The following SLC49A4 variants were observed in gnomAD, a reference collection of about 807,000 sequenced individuals.
The protein encoded by SLC49A4 is disrupted in renal cancer protein 2.
SLC49A4 carries 36 observed loss-of-function variants against 50.6 expected under a neutral mutation model. The observed-to-expected ratio is 0.71, with a 90% CI of 0.55 to 0.94. The LOEUF is 0.94. Among genes scored for constraint, SLC49A4 ranks in the 40% least tolerant of loss-of-function variants. The pLI is 0.00. For missense variants in SLC49A4, 503 were observed against 605.7 expected (o/e 0.83, Z 1.78); for synonymous variants, 248 against 241.2 (o/e 1.03, Z -0.26).
intron 7 of SLC49A4, among the ~76,000 whole-genome samples, chr3:122,871,133 G>GT (rs1282787988): frequency 6.6e-6 from 1 of 152,140 alleles, no homozygotes; most frequent in Non-Finnish European, 1.5e-5. Context: ...CCAGCAGTAT[G>GT]TTCTTTATTC....
chr3:122,833,991 G>A (rs962073223), intron 4 of SLC49A4, among the ~76,000 whole-genome samples: 2 of 152,092 alleles, frequency 1.3e-5, no homozygotes, highest in African/African-American at 2.4e-5. Flanking sequence ...GTATAACTTA[G>A]TATAGTTAGA....
intron 3 of SLC49A4, among the ~76,000 whole-genome samples, chr3:122,832,090 TG>T (rs1363987334): frequency 6.6e-6 from 1 of 152,218 alleles, no homozygotes; most frequent in East Asian, 1.9e-4. Context: ...ATAGGAATGT[TG>T]TCCTTTTTTG....
At chr3:122,798,349 C>T (rs1229662068) in intron 1 of SLC49A4, among the ~76,000 whole-genome samples, 21 of 152,118 alleles carry the variant, frequency 1.4e-4, no homozygotes, top group Admixed American at 1.4e-3. Flanking sequence ...TACCTACTAT[C>T]CATGGCAGGA....
At chr3:122,844,579 C>T (rs1037332588) in intron 4 of SLC49A4, among the ~76,000 whole-genome samples, 1 of 152,046 alleles carries the variant, frequency 6.6e-6, no homozygotes, top group African/African-American at 2.4e-5. Context: ...GTCAGGAGTT[C>T]GAGGCCAGCC....
At chr3:122,826,739 T>A (rs1191833871) in intron 2 of SLC49A4, 61 bp from the exon 3 acceptor site, 1 of 1,565,012 alleles carries the variant, frequency 6.4e-7, no homozygotes, top group Admixed American at 1.8e-5. Flanking sequence ...GGCTCATTTC[T>A]TTTTGTCTTA....
intron 7 of SLC49A4, among the ~76,000 whole-genome samples, chr3:122,861,916 T>G (rs146993219): frequency 6.2e-4 from 95 of 152,340 alleles, no homozygotes; most frequent in African/African-American, 2.2e-3. Flanking sequence ...AGTTTCAGCA[T>G]TAGATTCTGC....
At chr3:122,835,876 T>C (rs1262075598) in intron 4 of SLC49A4, among the ~76,000 whole-genome samples, 1 of 152,162 alleles carries the variant, frequency 6.6e-6, no homozygotes. Flanking sequence ...TCCAAAAGAC[T>C]CCTAGATTTG....
At chr3:122,862,504 A>G (rs1937069643) in intron 7 of SLC49A4, among the ~76,000 whole-genome samples, 2 of 152,254 alleles carry the variant, frequency 1.3e-5, no homozygotes, top group Non-Finnish European at 2.9e-5. Flanking sequence ...TTTGGCAAGT[A>G]TTCTGAGCCA....
chr3:122,838,267 G>A (rs1359498711), intron 4 of SLC49A4, among the ~76,000 whole-genome samples: 1 of 151,950 alleles, frequency 6.6e-6, no homozygotes. Context: ...GTATGTTTAT[G>A]GTGGCAATAT....
intron 2 of SLC49A4, among the ~76,000 whole-genome samples, chr3:122,813,925 A>G (rs1014305233): frequency 2.0e-5 from 3 of 152,204 alleles, no homozygotes; most frequent in Non-Finnish European, 2.9e-5. Flanking sequence ...CTGTGTATTT[A>G]AAATGAGACA....
intron 7 of SLC49A4, among the ~76,000 whole-genome samples, chr3:122,862,612 A>T (rs918916441): frequency 3.9e-5 from 6 of 152,208 alleles, no homozygotes; most frequent in African/African-American, 1.4e-4. Flanking sequence ...AACTCTTCTT[A>T]TTCATGGCAT....
chr3:122,872,302 T>C, intron 7 of SLC49A4, 113 bp from the exon 8 acceptor site: 1 of 921,824 alleles, frequency 1.1e-6, no homozygotes, highest in Non-Finnish European at 1.6e-6. Context: ...CAACTACCTT[T>C]GAAAAGAAGA....
intron 1 of SLC49A4, among the ~76,000 whole-genome samples, chr3:122,805,418 T>G (rs16833535): frequency 0.099 from 15,133 of 152,276 alleles, 1,011 homozygotes; most frequent in East Asian, 0.34. Context: ...TGCATAATTA[T>G]AGTCTTGTTG....
chr3:122,859,336 A>G (rs973699404), intron 6 of SLC49A4, among the ~76,000 whole-genome samples: 40 of 152,188 alleles, frequency 2.6e-4, no homozygotes, highest in African/African-American at 9.4e-4. Flanking sequence ...ACAGTAGAAG[A>G]AGAGAGAGCA....
intron 7 of SLC49A4, among the ~76,000 whole-genome samples, chr3:122,869,703 T>C (rs550484018): frequency 2.0e-4 from 31 of 152,332 alleles, no homozygotes; most frequent in Non-Finnish European, 3.5e-4. Context: ...AATAAAAATT[T>C]TATCTTTCCA....
At chr3:122,847,272 A>G (rs558989747) in intron 5 of SLC49A4, among the ~76,000 whole-genome samples, 1 of 152,294 alleles carries the variant, frequency 6.6e-6, no homozygotes, top group East Asian at 1.9e-4. Flanking sequence ...TGCCTACTAG[A>G]ACAAAAGCCA....
intron 8 of SLC49A4, among the ~76,000 whole-genome samples, chr3:122,874,835 G>A (rs1937244741): frequency 6.6e-6 from 1 of 152,156 alleles, no homozygotes; most frequent in South Asian, 2.1e-4. Flanking sequence ...CTGTAAAAGA[G>A]CCAAGTCCAG....
At chr3:122,846,617 A>G (rs750478624) in intron 5 of SLC49A4, among the ~76,000 whole-genome samples, 4 of 152,202 alleles carry the variant, frequency 2.6e-5, no homozygotes, top group Non-Finnish European at 4.4e-5. Flanking sequence ...AAACTTCTCC[A>G]AAGTGGTGGT....
chr3:122,856,442 C>G, intron 6 of SLC49A4, 68 bp downstream of exon 6: 4 of 1,353,842 alleles, frequency 3.0e-6, no homozygotes, highest in Non-Finnish European at 4.2e-6. Context: ...TAAATAGGCT[C>G]CCCTAAATAA....
Sources: allele counts gnomAD v4.1 joint callset (sites outside exome capture counted in the v4.1 genomes callset), GRCh38; gene constraint gnomAD v4.1.1; transcripts MANE v1.5; gene names NCBI Gene and HGNC (gene_info 2026-07-23, HGNC 2026-07-21).